Variants in LY75 observed in about 807,000 individuals in gnomAD.
LY75 encodes the protein C-type lectin domain family 13 member B.
Under a neutral mutation model 231.7 loss-of-function variants are expected in LY75, and 185 were observed. The ratio of observed to expected loss-of-function variants is 0.80; its 90% CI spans 0.71 to 0.90. LY75 has a LOEUF of 0.90. Among genes scored for constraint, LY75 ranks in the 40% least tolerant of loss-of-function variants. LY75 has a pLI of 0.00. For missense variants in LY75, 1,947 were observed against 2,050.2 expected, an observed-to-expected ratio of 0.95 and a Z score of 0.97; for synonymous variants, 668 against 689.0, an observed-to-expected ratio of 0.97 and a Z score of 0.48.
At chr2:159,869,518 A>G (rs930255186) in intron 13 of LY75, among the ~76,000 whole-genome samples, 3 of 152,140 alleles carry the variant, frequency 2.0e-5, no homozygotes, top group Non-Finnish European at 2.9e-5. Context: ...GGATTAGCTA[A>G]AATATTTAGA....
At chr2:159,844,978 C>A (rs906123716) in intron 23 of LY75, among the ~76,000 whole-genome samples, 3 of 152,000 alleles carry the variant, frequency 2.0e-5, no homozygotes, top group East Asian at 1.9e-4. Flanking sequence ...TTAGAACATG[C>A]AGTATTTGGT....
At chr2:159,864,086 T>A (rs1309574467) in intron 14 of LY75, among the ~76,000 whole-genome samples, 1 of 152,184 alleles carries the variant, frequency 6.6e-6, no homozygotes. Flanking sequence ...AACAATGCAT[T>A]TCTCAAAATG....
chr2:159,854,826 G>T, intron 17 of LY75, 78 bp downstream of exon 17: 1 of 1,564,090 alleles, frequency 6.4e-7, no homozygotes, highest in South Asian at 1.2e-5. Context: ...AGAAGAAGCT[G>T]GCACTTAAAT....
At chr2:159,889,877 C>T (rs559943488) in intron 4 of LY75, among the ~76,000 whole-genome samples, 2 of 152,226 alleles carry the variant, frequency 1.3e-5, no homozygotes, top group African/African-American at 4.8e-5. Flanking sequence ...TCCTTCCCTT[C>T]CTTTAATTCT....
At chr2:159,885,010 GT>G in intron 6 of LY75, 142 bp downstream of exon 6, 2 of 1,120,316 alleles carry the variant, frequency 1.8e-6, no homozygotes, top group Non-Finnish European at 2.4e-6. Context: ...TAACCACAGG[GT>G]TAAAAATCAA....
chr2:159,854,617 C>G (rs1684495259), intron 17 of LY75, 82 bp from the exon 18 acceptor site: 2 of 1,476,532 alleles, frequency 1.4e-6, no homozygotes, highest in East Asian at 2.4e-5. Context: ...ATGTTCAAAA[C>G]TATAAATAGT....
intron 28 of LY75, 120 bp from the exon 29 acceptor site, chr2:159,820,040 A>G (rs556442717): frequency 1.4e-5 from 13 of 918,170 alleles, no homozygotes; most frequent in African/African-American, 1.3e-4. Context: ...AAAAGGTTGT[A>G]TGATTATGTA....
rs1683751734 is a variant in LY75, at chr2:159,834,181, T to G, written c.3704A>C (p.Asp1235Ala). The stretch of plus-strand genomic sequence containing the variant: ...AACAGGAGATGGACATTTAACACTG[T>G]CAACTGGTTTGACCTCTTTTTCAGT... ...NETEKEVKPV[D>A]SVKCPSPVLN... The change falls in exon 27 of 35, where the codon GAC becomes GCC. Residue 1235 changes from aspartate (D) to alanine (A), a missense_variant. By Grantham distance (126) the Asp-to-Ala change is moderately radical (BLOSUM62 -2). Transcript: ENST00000263636. The G allele has an allele frequency of 6.2e-7, 1 of 1,613,856 alleles. No individual in the cohort carries two copies. Among genetic ancestry groups the G allele is most frequent in the Admixed American group, 1.7e-5 (1 of 59,986 alleles).
At chr2:159,862,452 C>T (rs1326380709) in intron 14 of LY75, among the ~76,000 whole-genome samples, 1 of 151,904 alleles carries the variant, frequency 6.6e-6, no homozygotes, top group Non-Finnish European at 1.5e-5. Flanking sequence ...AGTAAGACCC[C>T]ATTTCAAAAA....
At chr2:159,897,195 C>T (rs993909668) in intron 2 of LY75, among the ~76,000 whole-genome samples, 3 of 151,994 alleles carry the variant, frequency 2.0e-5, no homozygotes, top group African/African-American at 7.3e-5. Flanking sequence ...CAACTATGCC[C>T]CTCAAAAGAA....
Position 159,875,427 on chromosome 2 carries a change from T to C in LY75, c.1974+17A>G. The C allele has an allele frequency of 1.2e-6, 2 of 1,607,816 alleles. No individual in the cohort carries two copies. The highest frequency in any genetic ancestry group is 1.7e-6 in the Non-Finnish European group (2 of 1,177,224). The stretch of plus-strand genomic sequence containing the variant: ...AAAATAACTTCATTGAAGGATAGAA[T>C]GAGAATGTCACTTTACCTTATAACA... On this transcript the variant is annotated intron_variant, in intron 12 of 34. Coordinates refer to ENST00000263636, the MANE Select transcript of LY75 (RefSeq NM_002349.4).
intron 2 of LY75, among the ~76,000 whole-genome samples, chr2:159,895,314 AGT>A (rs1467115677): frequency 6.6e-6 from 1 of 151,968 alleles, no homozygotes; most frequent in Non-Finnish European, 1.5e-5. Context: ...TCTGTTAAAG[AGT>A]GTGTTGACCT....
chr2:159,850,791 T>TATATATATATAAAA lies in LY75; in HGVS notation c.2884-325_2884-324insTTTTATATATATAT, dbSNP rs1341394980. Among the ~76,000 whole-genome samples the TATATATATATAAAA allele has an allele frequency of 1.9e-3, 180 of 93,846 alleles. 6 individuals carry two copies. Among genetic ancestry groups the TATATATATATAAAA allele is most frequent in the Non-Finnish European group, 3.3e-3 (143 of 43,260 alleles). The allele number at this position is 93,846 out of a possible 152,430, so 61.6% of individuals were successfully genotyped here. A position where few individuals can be genotyped will look rare whatever the true frequency, so the allele number is the denominator to read the frequency against. On this transcript the variant is annotated intron_variant, in intron 21 of 34. Coordinates refer to ENST00000263636, the MANE Select transcript of LY75 (RefSeq NM_002349.4). ...AAACTTTCATATATATATATATATA[T>TATATATATATAAAA]ATATATATTATATCTTATATATAAG...
At chr2:159,834,682 T>A (rs892306012) in intron 26 of LY75, among the ~76,000 whole-genome samples, 3 of 152,220 alleles carry the variant, frequency 2.0e-5, no homozygotes, top group African/African-American at 7.2e-5. Context: ...CAAACAAAAA[T>A]AATATTTAAA....
intron 32 of LY75, among the ~76,000 whole-genome samples, chr2:159,809,629 A>G (rs1682894399): frequency 6.6e-6 from 1 of 151,594 alleles, no homozygotes; most frequent in African/African-American, 2.4e-5. Context: ...TCACTTAGCC[A>G]CTTTTATTTT....
In LY75 at chr2:159,819,747, G is replaced by C. The variant is rs777299279; in HGVS notation, c.4132C>G (p.Leu1378Val). Reference sequence around the variant, plus strand: ...TTACCCATTTCAATTTTACAAGCAAGAATGCTGTGCTGGTGAAAATAAACT... The same window carrying C: ...TTACCCATTTCAATTTTACAAGCAACAATGCTGTGCTGGTGAAAATAAACT... ...EAVYFHQHSI[L>V]ACKIEMVDYK... The change falls in exon 29 of 35, where the codon CTT becomes GTT. Residue 1378 changes from leucine to valine, a missense_variant. Transcript: ENST00000263636. The C allele has an allele frequency of 4.3e-6, 7 of 1,611,314 alleles. No homozygotes were observed. Among genetic ancestry groups the C allele is most frequent in the South Asian group, 3.3e-5 (3 of 90,562 alleles).
intron 4 of LY75, among the ~76,000 whole-genome samples, chr2:159,889,934 C>A (rs1019875716): frequency 2.0e-5 from 3 of 152,108 alleles, no homozygotes; most frequent in Non-Finnish European, 2.9e-5. Flanking sequence ...TTTTGAAAAT[C>A]CTTTCATTTA....
intron 28 of LY75, among the ~76,000 whole-genome samples, chr2:159,831,367 C>T (rs1683653306): frequency 6.6e-6 from 1 of 152,166 alleles, no homozygotes; most frequent in South Asian, 2.1e-4. Context: ...TCTGTAAAGC[C>T]TGTGGAACCG....
chr2:159,828,233 G>A (rs890622008), intron 28 of LY75, among the ~76,000 whole-genome samples: 8 of 113,428 alleles, frequency 7.1e-5, no homozygotes, highest in Admixed American at 6.9e-4. Flanking sequence ...AAAATAATTT[G>A]GAAATTATTT....
Sources: allele counts gnomAD v4.1 joint callset (sites outside exome capture counted in the v4.1 genomes callset), GRCh38; gene constraint gnomAD v4.1.1; transcripts MANE v1.5; gene names NCBI Gene and HGNC (gene_info 2026-07-23, HGNC 2026-07-21).